Variants in GCN1 observed in about 807,000 individuals in gnomAD.
The protein encoded by GCN1 is stalled ribosome sensor GCN1.
In GCN1, 90 loss-of-function variants were observed where a neutral mutation model predicts 288.4. The ratio of observed to expected loss-of-function variants is 0.31; its 90% CI spans 0.26 to 0.37. GCN1 has a LOEUF of 0.37. Among genes scored for constraint, GCN1 ranks in the 10% least tolerant of loss-of-function variants. The probability of loss-of-function intolerance (pLI) is 1.00; values close to 1 mark genes in which losing one functional copy is unlikely to be tolerated. For missense variants in GCN1, 2,586 were observed against 3,419.9 expected, an observed-to-expected ratio of 0.76 and a Z score of 6.08; for synonymous variants, 1,386 against 1,420.2, an observed-to-expected ratio of 0.98 and a Z score of 0.54.
chr12:120,188,382 A>G (rs1878888568), intron 2 of GCN1, among the ~76,000 whole-genome samples: 1 of 146,902 alleles, frequency 6.8e-6, no homozygotes, highest in African/African-American at 2.5e-5. Flanking sequence ...TGCAGTGAGC[A>G]GAGGTCGCGC....
chr12:120,135,322 C>T (rs59488401), intron 51 of GCN1, among the ~76,000 whole-genome samples: 245 of 152,230 alleles, frequency 1.6e-3, no homozygotes, highest in African/African-American at 5.7e-3. Context: ...ACTTTTGATA[C>T]AATACAGGTG....
chr12:120,129,263 C>G lies in GCN1; in HGVS notation c.7890+13G>C. On this transcript the variant is annotated intron_variant, in intron 57 of 57. Coordinates refer to ENST00000300648, the MANE Select transcript of GCN1 (RefSeq NM_006836.2). Reference sequence around the variant, plus strand: ...CTCACAGCACATCCTGGTGAGGCCCCCCAGGCTCCCACCTGAAACACCTCT... The same window carrying G: ...CTCACAGCACATCCTGGTGAGGCCCGCCAGGCTCCCACCTGAAACACCTCT... 6.3e-7 allele frequency: 1 copy of G among 1,594,588 alleles called. No homozygotes were observed. The highest frequency in any genetic ancestry group is 2.2e-5 in the East Asian group (1 of 44,778).
chr12:120,170,951 G>C (rs747471413), intron 14 of GCN1, among the ~76,000 whole-genome samples: 2 of 151,346 alleles, frequency 1.3e-5, no homozygotes, highest in Non-Finnish European at 2.9e-5. Flanking sequence ...CATGAGGTCA[G>C]GAATTCCAGA....
At position 120,148,338 on chromosome 12, in the gene GCN1, C is replaced by T; in HGVS notation, c.4555G>A (p.Glu1519Lys). ...CAGTACGCCATTGCCCCAAGAAGCT[C>T]CACTGACCCTGTGGATAGCAGACAC... Reference protein sequence around the residue: ...ESWRTKAGSVELLGAMAYCAP... With the variant: ...ESWRTKAGSVKLLGAMAYCAP... The change falls in exon 37 of 58, where the codon GAG (glutamate) becomes AAG (lysine). Residue 1519 changes from glutamate to lysine, a missense_variant. Coordinates refer to ENST00000300648, the MANE Select transcript of GCN1 (RefSeq NM_006836.2). The T allele has an allele frequency of 6.2e-7, 1 of 1,612,948 alleles. No individual in the cohort carries two copies. The highest frequency in any genetic ancestry group is 8.5e-7 in the Non-Finnish European group (1 of 1,179,266).
At chr12:120,187,462 C>T (rs796550186) in intron 2 of GCN1, among the ~76,000 whole-genome samples, 1 of 152,186 alleles carries the variant, frequency 6.6e-6, no homozygotes, top group African/African-American at 2.4e-5. Context: ...GTGATCCATC[C>T]TCCTCGGCCT....
In GCN1 at chr12:120,136,735, G is replaced by A; in HGVS notation, c.6778-3C>T. On this transcript the variant is annotated splice_polypyrimidine_tract_variant and splice_region_variant and intron_variant, in intron 50 of 57. Transcript: ENST00000300648. Reference sequence around the variant, plus strand: ...ACTGGAAGGATGGAGGTCACTCCCTGACAAGAGAACCACAACTGAGAGTCA... The same window carrying A: ...ACTGGAAGGATGGAGGTCACTCCCTAACAAGAGAACCACAACTGAGAGTCA... The A allele has an allele frequency of 6.2e-7, 1 of 1,608,704 alleles. No homozygotes were observed. The highest frequency in any genetic ancestry group is 8.5e-7 in the Non-Finnish European group (1 of 1,175,574).
chr12:120,190,044 G>A (rs150241808), intron 2 of GCN1, among the ~76,000 whole-genome samples: 21 of 151,754 alleles, frequency 1.4e-4, no homozygotes, highest in Admixed American at 5.9e-4. Flanking sequence ...ACTGTCATTC[G>A]AGAAACCCCA....
At chr12:120,179,152 A>G (rs1878571480) in intron 5 of GCN1, among the ~76,000 whole-genome samples, 1 of 152,088 alleles carries the variant, frequency 6.6e-6, no homozygotes, top group African/African-American at 2.4e-5. Flanking sequence ...TGTTCCCACT[A>G]GTGTTCGTTT....
chr12:120,165,030 C>CACAT (rs1555301732), intron 16 of GCN1, among the ~76,000 whole-genome samples: 24 of 145,724 alleles, frequency 1.6e-4, no homozygotes, highest in Non-Finnish European at 2.8e-4. Context: ...CACACACACA[C>CACAT]ACACACATAT....
At chr12:120,145,366 G>A (rs761213917) in intron 38 of GCN1, 36 bp from the exon 39 acceptor site, 17 of 1,479,938 alleles carry the variant, frequency 1.1e-5, no homozygotes, top group Admixed American at 2.3e-5. Flanking sequence ...GGTGAGGCCC[G>A]ACTCCTGCTT....
chr12:120,161,458 G>A (rs769206966), intron 22 of GCN1, 32 bp downstream of exon 22: 2 of 1,462,808 alleles, frequency 1.4e-6, no homozygotes, highest in Non-Finnish European at 1.9e-6. Context: ...AAGCTCAGCA[G>A]CCACCTTCCG....
intron 37 of GCN1, 141 bp from the exon 38 acceptor site, chr12:120,147,413 G>A: frequency 2.2e-6 from 1 of 459,464 alleles, no homozygotes; most frequent in Non-Finnish European, 3.9e-6. Flanking sequence ...CACCAGCTGG[G>A]GAAGACAGGA....
Position 120,177,566 on chromosome 12 carries a change from A to T in GCN1, c.730-11T>A, listed in dbSNP as rs1470233241. On this transcript the variant is annotated splice_polypyrimidine_tract_variant and intron_variant, in intron 8 of 57. Coordinates refer to ENST00000300648, the MANE Select transcript of GCN1 (RefSeq NM_006836.2). ...AGGGGCACAGCTATCCTACAAAGAA[A>T]AAGGAATAAGGCACCTAGCCCTCAT... is the stretch of plus-strand genomic sequence containing the variant. 1 of 1,590,340 alleles carries T rather than the reference A, an allele frequency of 6.3e-7. No homozygotes were observed.
Position 120,178,834 on chromosome 12 carries a change from C to T in GCN1, c.525+18G>A, listed in dbSNP as rs972252319. ...GCATGGAAGAAGCAATGCCCACCAG[C>T]CCCTGCAGTCCTGTCACCTCTTTCC... On this transcript the variant is annotated intron_variant, in intron 6 of 57. Transcript: ENST00000300648. The T allele has an allele frequency of 3.1e-6, 5 of 1,613,330 alleles. No individual in the cohort carries two copies. In the Admixed American group the frequency reaches 5.0e-5, roughly 16 times the overall value.
rs570114228 is a variant in GCN1, at chr12:120,170,241, C to T, written c.1447G>A (p.Val483Ile). Residue 483 changes from valine to isoleucine, a missense_variant, in exon 15 of 58, where the codon GTT becomes ATT. By Grantham distance (29) the Val-to-Ile change is conservative (BLOSUM62 3). Transcript: ENST00000300648. ...GCAACCCCTTCAGTGATGGTGGGAA[C>T]CTGAGTGCTTTGGGAGGCTGCCTTC... The part of the protein sequence containing the change: ...VEKAASQSTQ[V>I]PTITEGVAAA... The T allele has an allele frequency of 6.8e-6, 11 of 1,614,084 alleles. No homozygotes were observed. The African/African-American group carries it at 1.3e-4, about 20-fold the overall frequency.
At chr12:120,138,608 C>T (rs1566299138) in intron 46 of GCN1, 87 bp downstream of exon 46, 1 of 1,393,298 alleles carries the variant, frequency 7.2e-7, no homozygotes, top group South Asian at 1.3e-5. Flanking sequence ...ATTGCGACTG[C>T]CTTGGCAGAA....
chr12:120,177,942 G>A (rs1434557366), intron 7 of GCN1, among the ~76,000 whole-genome samples, 190 bp from the exon 8 acceptor site: 1 of 152,030 alleles, frequency 6.6e-6, no homozygotes, highest in Non-Finnish European at 1.5e-5. Flanking sequence ...ATGGCCCCCG[G>A]GATAAAGTCC....
chr12:120,176,777 T>C (rs565519074), intron 9 of GCN1, among the ~76,000 whole-genome samples: 1 of 144,422 alleles, frequency 6.9e-6, no homozygotes, highest in South Asian at 2.1e-4. Flanking sequence ...TTTCTCTTTC[T>C]TTTTTTTTGG....
At chr12:120,132,537 A>G (rs1205216169) in intron 53 of GCN1, among the ~76,000 whole-genome samples, 3 of 152,110 alleles carry the variant, frequency 2.0e-5, no homozygotes, top group African/African-American at 7.2e-5. Context: ...CTACTGCATG[A>G]GTGCCCCACT....
Sources: allele counts gnomAD v4.1 joint callset (sites outside exome capture counted in the v4.1 genomes callset), GRCh38; gene constraint gnomAD v4.1.1; transcripts MANE v1.5; gene names NCBI Gene and HGNC (gene_info 2026-07-23, HGNC 2026-07-21).